Variants in SLC4A7 observed in about 807,000 individuals in gnomAD.
The protein encoded by SLC4A7 is solute carrier family 4 member 7, also known as sodium bicarbonate cotransporter 3.
A neutral mutation model predicts 137.6 loss-of-function variants in SLC4A7; 51 were observed. That is an observed-to-expected ratio of 0.37 (90% CI 0.30 to 0.47). The LOEUF (loss-of-function observed/expected upper bound fraction) is 0.47. Ranked by LOEUF, SLC4A7 falls within the 20% of genes least tolerant of loss-of-function variation. SLC4A7 has a pLI of 1.00. For synonymous variants in SLC4A7, 542 were observed against 518.6 expected (o/e 1.05, Z -0.61); for missense variants, 1,247 against 1,525.4 (o/e 0.82, Z 3.04).
At chr3:27,403,619 G>A (rs1201312537) in intron 14 of SLC4A7, among the ~76,000 whole-genome samples, 1 of 151,732 alleles carries the variant, frequency 6.6e-6, no homozygotes. Flanking sequence ...ATTATTAATA[G>A]TTTATTACAC....
At chr3:27,432,299 A>C (rs2056377500) in intron 6 of SLC4A7, among the ~76,000 whole-genome samples, 1 of 152,182 alleles carries the variant, frequency 6.6e-6, no homozygotes, top group African/African-American at 2.4e-5. Context: ...ATTTTAAAGG[A>C]TACATATTCT....
At chr3:27,436,263 C>T in intron 5 of SLC4A7, 125 bp downstream of exon 5, 2 of 628,796 alleles carry the variant, frequency 3.2e-6, no homozygotes, top group Non-Finnish European at 5.0e-6. Context: ...TTATCAAAGA[C>T]AAAAATTCTA....
At chr3:27,455,630 G>C (rs926425814) in intron 1 of SLC4A7, among the ~76,000 whole-genome samples, 12 of 139,436 alleles carry the variant, frequency 8.6e-5, no homozygotes, top group Non-Finnish European at 1.7e-4. Context: ...CTGGAGTGCA[G>C]TCTTTGGGAG....
intron 1 of SLC4A7, among the ~76,000 whole-genome samples, chr3:27,463,305 C>A (rs1235565665): frequency 6.6e-6 from 1 of 152,164 alleles, no homozygotes; most frequent in African/African-American, 2.4e-5. Flanking sequence ...GTGGCGGGCG[C>A]CTATAGTCCA....
intron 3 of SLC4A7, among the ~76,000 whole-genome samples, chr3:27,439,871 A>G (rs1432442491): frequency 6.6e-6 from 1 of 152,174 alleles, no homozygotes; most frequent in Non-Finnish European, 1.5e-5. Flanking sequence ...TGGTTTTTGT[A>G]GATGCTCTTT....
chr3:27,390,117 TA>T lies in SLC4A7; in HGVS notation c.3187-14del. On this transcript the variant is annotated splice_polypyrimidine_tract_variant and intron_variant, in intron 21 of 25. Transcript: ENST00000454389. ...TACGGTCAAATAACTACATATAGAA[TA>T]AAAAACAAAGAAGTTTTCAATAAAA... 6.7e-7 allele frequency: 1 copy of T among 1,499,880 alleles called. No homozygotes were observed. Among genetic ancestry groups the T allele is most frequent in the Non-Finnish European group, 9.1e-7 (1 of 1,095,880 alleles). The allele number at this position is 1,499,880 out of a possible 1,614,324, so 92.9% of individuals were successfully genotyped here. A position where few individuals can be genotyped will look rare whatever the true frequency, so the allele number is the denominator to read the frequency against.
chr3:27,471,839 C>CTGCT (rs1407483421), intron 1 of SLC4A7, among the ~76,000 whole-genome samples: 2 of 152,332 alleles, frequency 1.3e-5, no homozygotes, highest in Non-Finnish European at 1.5e-5. Context: ...CAGTAAATGA[C>CTGCT]TGCTAACCAA....
chr3:27,410,475 T>A (rs761666578), intron 12 of SLC4A7, among the ~76,000 whole-genome samples: 3 of 152,192 alleles, frequency 2.0e-5, no homozygotes, highest in Non-Finnish European at 4.4e-5. Flanking sequence ...AGCTTTACCG[T>A]TGTAATTTTT....
At chr3:27,478,992 G>A (rs1336874718) in intron 1 of SLC4A7, among the ~76,000 whole-genome samples, 3 of 150,550 alleles carry the variant, frequency 2.0e-5, no homozygotes, top group East Asian at 3.9e-4. Context: ...GTGACAAAGT[G>A]AGAACCCTGT....
chr3:27,420,180 G>GA (rs1553694499), intron 10 of SLC4A7, among the ~76,000 whole-genome samples: 3 of 151,276 alleles, frequency 2.0e-5, no homozygotes, highest in African/African-American at 7.3e-5. Context: ...AAAAAGAAAA[G>GA]AAAAGAAAAA....
intron 1 of SLC4A7, among the ~76,000 whole-genome samples, chr3:27,477,956 C>T (rs140671617): frequency 9.2e-4 from 140 of 152,100 alleles, no homozygotes; most frequent in African/African-American, 3.4e-3. Context: ...CTTTCTGTAA[C>T]GAAATAAAAG....
intron 1 of SLC4A7, among the ~76,000 whole-genome samples, chr3:27,454,402 G>A (rs2058280882): frequency 1.3e-5 from 2 of 152,132 alleles, no homozygotes; most frequent in Non-Finnish European, 2.9e-5. Flanking sequence ...GGAGGCAGAG[G>A]TTGCAGTGAG....
At chr3:27,402,712 T>C (rs540333544) in intron 15 of SLC4A7, among the ~76,000 whole-genome samples, 1 of 148,108 alleles carries the variant, frequency 6.8e-6, no homozygotes, top group East Asian at 2.0e-4. Flanking sequence ...AAAAAAAAAA[T>C]CAAGCTTCAA....
At chr3:27,483,741 G>T (rs2059819224) in intron 1 of SLC4A7, among the ~76,000 whole-genome samples, 1 of 152,084 alleles carries the variant, frequency 6.6e-6, no homozygotes, top group Non-Finnish European at 1.5e-5. Context: ...GGAGGCGAGC[G>T]CTGAGGGAAG....
At chr3:27,479,046 C>G (rs2059600020) in intron 1 of SLC4A7, among the ~76,000 whole-genome samples, 1 of 151,974 alleles carries the variant, frequency 6.6e-6, no homozygotes, top group South Asian at 2.1e-4. Context: ...TAGAACCTGT[C>G]TGTATTGGCA....
intron 11 of SLC4A7, among the ~76,000 whole-genome samples, chr3:27,412,362 T>A (rs2053984196): frequency 6.6e-6 from 1 of 152,104 alleles, no homozygotes; most frequent in Non-Finnish European, 1.5e-5. Context: ...TAAAAATATG[T>A]GTGAGCATGT....
chr3:27,394,494 A>G (rs781152499), intron 20 of SLC4A7, 24 bp downstream of exon 20: 2 of 1,595,440 alleles, frequency 1.3e-6, no homozygotes, highest in East Asian at 4.5e-5. Flanking sequence ...AAGATTGTAA[A>G]ACACGGCAAT....
intron 2 of SLC4A7, among the ~76,000 whole-genome samples, chr3:27,450,122 A>G (rs2057967396): frequency 6.6e-6 from 1 of 152,182 alleles, no homozygotes; most frequent in Non-Finnish European, 1.5e-5. Context: ...ATCTTATTTC[A>G]GCTGCCAATA....
intron 22 of SLC4A7, 59 bp downstream of exon 22, chr3:27,389,872 A>T: frequency 8.1e-7 from 1 of 1,239,510 alleles, no homozygotes; most frequent in Admixed American, 2.3e-5. Context: ...AAATATTAAT[A>T]AAAAATTACT....
Sources: allele counts gnomAD v4.1 joint callset (sites outside exome capture counted in the v4.1 genomes callset), GRCh38; gene constraint gnomAD v4.1.1; transcripts MANE v1.5; gene names NCBI Gene and HGNC (gene_info 2026-07-23, HGNC 2026-07-21).